Variants in CAMTA1 observed in about 807,000 individuals in gnomAD.
CAMTA1 encodes the protein calmodulin binding transcription activator 1, also known as calmodulin-binding transcription activator 1.
A neutral mutation model predicts 170.9 loss-of-function variants in CAMTA1; 27 were observed. The ratio of observed to expected loss-of-function variants is 0.16; its 90% CI spans 0.12 to 0.22. The LOEUF is 0.22. CAMTA1 is among the 10% of genes least tolerant of loss of function. The pLI, the probability that CAMTA1 is intolerant of heterozygous loss-of-function variation, is 1.00. For synonymous variants in CAMTA1, 833 were observed against 891.5 expected (o/e 0.93, Z 1.17); for missense variants, 1,619 against 2,217.2 (o/e 0.73, Z 5.42).
intron 3 of CAMTA1, among the ~76,000 whole-genome samples, chr1:6,832,598 T>TG (rs1332175377): frequency 6.6e-6 from 1 of 152,128 alleles, no homozygotes; most frequent in African/African-American, 2.4e-5. Flanking sequence ...ACTTCCTAAA[T>TG]GTGAGCTAAG....
Position 6,955,617 on chromosome 1 carries a change from G to A in CAMTA1, c.234+130407G>A, listed in dbSNP as rs1157129174. On this transcript the variant is annotated intron_variant, in intron 3 of 22. Transcript: ENST00000303635. ...CAGTATTACTACTATTGTTGTGACT[G>A]TTGAGTCAGATCAGGTTTCTCCTGA... Among the ~76,000 whole-genome samples the A allele has an allele frequency of 5.3e-5, 8 of 152,308 alleles. No homozygotes were observed. In the South Asian group the frequency reaches 1.7e-3, roughly 32 times the overall value.
At chr1:7,471,971 T>A (rs1169088935) in intron 6 of CAMTA1, among the ~76,000 whole-genome samples, 2 of 152,222 alleles carry the variant, frequency 1.3e-5, no homozygotes, top group African/African-American at 4.8e-5. Context: ...GGAAACTATT[T>A]CTGCTTCTAA....
chr1:7,020,457 T>TGCACTTTGTGTAAGTAC (rs1701182571), intron 3 of CAMTA1, among the ~76,000 whole-genome samples: 1 of 152,212 alleles, frequency 6.6e-6, no homozygotes, highest in Non-Finnish European at 1.5e-5. Context: ...TGTGTAAGTA[T>TGCACTTTGTGTAAGTAC]GCACTTTGTG....
intron 4 of CAMTA1, among the ~76,000 whole-genome samples, chr1:7,145,191 G>A (rs557375398): frequency 1.4e-4 from 21 of 152,306 alleles, no homozygotes; most frequent in African/African-American, 4.1e-4. Context: ...TGGAGATGCC[G>A]CCTCTGAGCT....
intron 5 of CAMTA1, among the ~76,000 whole-genome samples, chr1:7,395,202 T>C (rs941424650): frequency 2.0e-5 from 3 of 152,214 alleles, no homozygotes; most frequent in African/African-American, 7.2e-5. Flanking sequence ...AGTTTTATTG[T>C]TTCAGTTCTT....
rs1248186426 is a variant in CAMTA1, at chr1:7,570,994, T to G, written c.511-69406T>G. Among the ~76,000 whole-genome samples, 1 of 152,158 alleles carries G rather than the reference T, an allele frequency of 6.6e-6. No individual in the cohort carries two copies. Among genetic ancestry groups the G allele is most frequent in the East Asian group, 1.9e-4 (1 of 5,200 alleles). On this transcript the variant is annotated intron_variant, in intron 6 of 22. Transcript: ENST00000303635. This position sits in a 1 kb window ranked among gnomAD's most constrained non-coding sequence, Gnocchi z 4.3. ...TTAAAGGTGGTGTATCTGTAAGGTG[T>G]AAGGTGTCCCTCCCAGAGCCAGGCC...
At chr1:7,025,268 G>A (rs1701871320) in intron 3 of CAMTA1, among the ~76,000 whole-genome samples, 1 of 152,194 alleles carries the variant, frequency 6.6e-6, no homozygotes, top group African/African-American at 2.4e-5. Flanking sequence ...TTCCCCTGTG[G>A]GAGCCGAGGC....
intron 6 of CAMTA1, among the ~76,000 whole-genome samples, chr1:7,620,329 T>C (rs1049872892): frequency 6.6e-6 from 1 of 152,190 alleles, no homozygotes; most frequent in African/African-American, 2.4e-5. Context: ...CAAAGAGTTA[T>C]ACAGCCCCAA....
rs546072567 is a variant in CAMTA1 at position 7,195,670 on chromosome 1, G to A, written c.303-53821G>A. On this transcript the variant is annotated intron_variant, in intron 4 of 22. Coordinates refer to ENST00000303635, the MANE Select transcript of CAMTA1 (RefSeq NM_015215.4). This position sits in a 1 kb window ranked among gnomAD's most constrained non-coding sequence, Gnocchi z 4.1. ...ACCCCATGAGGAGGTTGGCTTGTGAGTGCTTATATTTAGCCAGCCATTGCT... is the reference window on the plus strand; with the variant it reads ...ACCCCATGAGGAGGTTGGCTTGTGAATGCTTATATTTAGCCAGCCATTGCT... Among the ~76,000 whole-genome samples, 4 of 152,300 alleles carry A rather than the reference G, an allele frequency of 2.6e-5. No individual in the cohort carries two copies. In the South Asian group the frequency reaches 6.2e-4, roughly 24 times the overall value.
chr1:7,399,285 C>G (rs1575118377), intron 5 of CAMTA1, among the ~76,000 whole-genome samples: 1 of 152,168 alleles, frequency 6.6e-6, no homozygotes, highest in East Asian at 1.9e-4. Context: ...TATTTATCAC[C>G]AAGTGATCTT....
chr1:6,927,342 AT>A (rs957867271), intron 3 of CAMTA1, among the ~76,000 whole-genome samples: 9 of 152,250 alleles, frequency 5.9e-5, no homozygotes, highest in Middle Eastern at 3.4e-3. Flanking sequence ...CGCCTCAGTG[AT>A]TTTTTTTCCT....
intron 5 of CAMTA1, among the ~76,000 whole-genome samples, chr1:7,326,483 A>G (rs2082684871): frequency 1.3e-5 from 2 of 152,242 alleles, no homozygotes; most frequent in South Asian, 4.1e-4. Flanking sequence ...TAATCAAGTT[A>G]AAGTGAGGTC....
At chr1:6,892,623 G>T (rs1424185409) in intron 3 of CAMTA1, among the ~76,000 whole-genome samples, 2 of 145,722 alleles carry the variant, frequency 1.4e-5, no homozygotes, top group Non-Finnish European at 3.0e-5. Flanking sequence ...TTGCAAATGT[G>T]GTGGGGGTAG....
intron 6 of CAMTA1, among the ~76,000 whole-genome samples, chr1:7,556,972 C>A (rs1047002610): frequency 6.6e-6 from 1 of 152,086 alleles, no homozygotes; most frequent in African/African-American, 2.4e-5. Context: ...TTGTTTATCC[C>A]CATTCTTTAG....
rs775795520 is a variant in CAMTA1, at chr1:7,562,815, C to T, written c.511-77585C>T. ...TGGTCCCCAGGACCCCCAAGCAAGGCGGACGGGATGACAGGCCCTCTAACC... is the reference window on the plus strand; with the variant it reads ...TGGTCCCCAGGACCCCCAAGCAAGGTGGACGGGATGACAGGCCCTCTAACC... On this transcript the variant is annotated intron_variant, in intron 6 of 22. Coordinates refer to ENST00000303635, the MANE Select transcript of CAMTA1 (RefSeq NM_015215.4). This position sits in a 1 kb window ranked among gnomAD's most constrained non-coding sequence, Gnocchi z 4.8. Among the ~76,000 whole-genome samples the T allele has an allele frequency of 2.6e-5, 4 of 152,174 alleles. No individual in the cohort carries two copies. The highest frequency in any genetic ancestry group is 4.4e-5 in the Non-Finnish European group (3 of 68,030).
In CAMTA1 at chr1:6,997,662, T is replaced by C. The variant is rs953069525; in HGVS notation, c.235-93642T>C. On this transcript the variant is annotated intron_variant, in intron 3 of 22. Transcript: ENST00000303635. ...TCCATATTTCCTTTCTTTTCTTTCT[T>C]TTTTTTTTTTTTTTTGAGACAGAGT... 6.2e-5 allele frequency among the ~76,000 whole-genome samples: 9 copies of C among 144,732 alleles called. 1 individual carries two copies. Among genetic ancestry groups the C allele is most frequent in the African/African-American group, 1.0e-4 (4 of 38,766 alleles). The allele number at this position is 144,732 out of a possible 152,430, so 94.9% of individuals were successfully genotyped here. A position where few individuals can be genotyped will look rare whatever the true frequency, so the allele number is the denominator to read the frequency against.
chr1:7,480,593 C>A (rs2093514307), intron 6 of CAMTA1, among the ~76,000 whole-genome samples: 2 of 152,084 alleles, frequency 1.3e-5, no homozygotes, highest in South Asian at 4.1e-4. Context: ...TGTTTCCTGG[C>A]CTCCCAGCAG....
At position 7,007,640 on chromosome 1, in the gene CAMTA1, C is replaced by T. The variant is rs745795129; in HGVS notation, c.235-83664C>T. ...TGACCTGGTGCTTGACCCAGACTGC[C>T]GAGGGGTGGCCGGGCCCTGTCAGTG... On this transcript the variant is annotated intron_variant, in intron 3 of 22. Coordinates refer to ENST00000303635, the MANE Select transcript of CAMTA1 (RefSeq NM_015215.4). The surrounding 1 kb of genome is among the most constrained non-coding windows in gnomAD (Gnocchi z 4.5). 2.6e-4 allele frequency among the ~76,000 whole-genome samples: 39 copies of T among 152,256 alleles called. No homozygotes were observed. The highest frequency in any genetic ancestry group is 1.0e-3 in the Admixed American group (16 of 15,302).
In CAMTA1 at chr1:6,988,601, C is replaced by G. The variant is rs541664365; in HGVS notation, c.235-102703C>G. 2.7e-3 allele frequency among the ~76,000 whole-genome samples: 410 copies of G among 152,156 alleles called. 1 individual carries two copies. The highest frequency in any genetic ancestry group is 4.8e-3 in the Non-Finnish European group (324 of 68,018). ...GAAAAAAGCCTTTTGGATTCCCCCC[C>G]ACCCCCTACCCCTGCGCCACGGCAG... On this transcript the variant is annotated intron_variant, in intron 3 of 22. Transcript: ENST00000303635.
Sources: allele counts gnomAD v4.1 joint callset (sites outside exome capture counted in the v4.1 genomes callset), GRCh38; gene constraint gnomAD v4.1.1; non-coding constraint Gnocchi (gnomAD v3.1); transcripts MANE v1.5; gene names NCBI Gene and HGNC (gene_info 2026-07-23, HGNC 2026-07-21).